SACS: variants seen among roughly 807,000 people sequenced by gnomAD.
SACS encodes sacsin.
A neutral mutation model predicts 348.0 loss-of-function variants in SACS; 197 were observed. The observed-to-expected ratio is 0.57, with a 90% confidence interval of 0.50 to 0.64. SACS has a LOEUF of 0.64. SACS is among the 30% of genes least tolerant of loss of function. SACS has a pLI of 0.00. For missense variants in SACS, 4,999 were observed against 5,360.8 expected (o/e 0.93, Z 2.11); for synonymous variants, 1,985 against 1,910.6 (o/e 1.04, Z -1.02).
At chr13:23,375,009 G>T (rs1309443942) in intron 3 of SACS, 110 bp downstream of exon 3, 11 of 1,119,644 alleles carry the variant, frequency 9.8e-6, no homozygotes, top group Non-Finnish European at 1.3e-5. Flanking sequence ...CCACGCTGCC[G>T]GAGTCATTCG....
Position 23,334,277 on chromosome 13 carries a change from A to G in SACS, c.9599T>C (p.Leu3200Ser). Reference protein sequence around the residue: ...NTLYLKYSNILLNCKVAKVFD... With the variant: ...NTLYLKYSNISLNCKVAKVFD... ...CACTTTTGCAACTTTACAGTTCAAT[A>G]AAATATTACTATATTTCAAATATAA... The change falls in exon 10 of 10, where the codon TTA becomes TCA. Residue 3200 changes from leucine to serine, a missense_variant. Transcript: ENST00000382292. 3 of 1,604,848 alleles carry G rather than the reference A, an allele frequency of 1.9e-6. No individual in the cohort carries two copies. Among genetic ancestry groups the G allele is most frequent in the Non-Finnish European group, 2.6e-6 (3 of 1,175,174 alleles).
chr13:23,418,060 CAAAAA>C (rs34026983), intron 1 of SACS, among the ~76,000 whole-genome samples: 1 of 119,114 alleles, frequency 8.4e-6, no homozygotes. Flanking sequence ...GATTCTGTCT[CAAAAA>C]AAAAAAAAAA....
At chr13:23,399,913 G>A (rs1449035501) in intron 2 of SACS, among the ~76,000 whole-genome samples, 1 of 152,014 alleles carries the variant, frequency 6.6e-6, no homozygotes, top group Non-Finnish European at 1.5e-5. Flanking sequence ...AACATTCCAA[G>A]CTTGTGATAA....
At chr13:23,429,253 T>A (rs1462186498) in intron 1 of SACS, among the ~76,000 whole-genome samples, 1 of 151,908 alleles carries the variant, frequency 6.6e-6, no homozygotes, top group Non-Finnish European at 1.5e-5. Flanking sequence ...AATATTCAAT[T>A]ATTTCTTTAA....
At position 23,339,218 on chromosome 13, in the gene SACS, A is replaced by G; in HGVS notation, c.4658T>C (p.Val1553Ala). 1.2e-6 allele frequency: 2 copies of G among 1,610,874 alleles called. No homozygotes were observed. Among genetic ancestry groups the G allele is most frequent in the Non-Finnish European group, 1.7e-6 (2 of 1,178,644 alleles). The change falls in exon 10 of 10, where the codon GTT becomes GCT. Residue 1553 changes from valine to alanine, a missense_variant. Coordinates refer to ENST00000382292, the MANE Select transcript of SACS (RefSeq NM_014363.6). ...ATTAAATCCAAGACCAAATTTTCCA[A>G]CTTTGTCAACTTCTCCCCTTTTTAA... ...ESLKRGEVDK[V>A]GKFGLGFNSV...
Position 23,335,675 on chromosome 13 carries a change from C to T in SACS, c.8201G>A (p.Gly2734Glu). 6.2e-7 allele frequency: 1 copy of T among 1,613,946 alleles called. No individual in the cohort carries two copies. The highest frequency in any genetic ancestry group is 8.5e-7 in the Non-Finnish European group (1 of 1,179,900). ...QNLLDKLRSD[G>E]AELLMFLNHM... ...ATTAAGAAACATTAGAAGTTCTGCC[C>T]CATCTGAGCGCAGTTTGTCCAAAAG... The change falls in exon 10 of 10, where the codon GGG (glycine) becomes GAG (glutamate). Residue 2734 changes from glycine (G) to glutamate (E), a missense_variant. Transcript: ENST00000382292. This position sits in a 1 kb window ranked among gnomAD's most constrained non-coding sequence, Gnocchi z 4.7.
intron 2 of SACS, among the ~76,000 whole-genome samples, chr13:23,407,393 G>T (rs372681064): frequency 2.4e-4 from 37 of 152,080 alleles, no homozygotes; most frequent in African/African-American, 8.9e-4. Flanking sequence ...TAGAGACGGG[G>T]TTTCACCGTG....
At chr13:23,377,015 A>G (rs1459688929) in intron 2 of SACS, among the ~76,000 whole-genome samples, 1 of 152,218 alleles carries the variant, frequency 6.6e-6, no homozygotes, top group Non-Finnish European at 1.5e-5. Context: ...CCTTGCAGAC[A>G]TTCTGCTAAG....
intron 2 of SACS, among the ~76,000 whole-genome samples, chr13:23,388,485 GTGTATA>G (rs774692532): frequency 1.1e-3 from 91 of 83,464 alleles, no homozygotes; most frequent in African/African-American, 3.4e-3. Context: ...TATGGTGTGT[GTGTATA>G]TATATATATA....
chr13:23,416,269 C>T (rs1873686381), intron 1 of SACS, among the ~76,000 whole-genome samples: 1 of 136,028 alleles, frequency 7.4e-6, no homozygotes, highest in Admixed American at 7.3e-5. Flanking sequence ...GGGACAGAGC[C>T]GACTCCATCT....
rs988686236 is a variant in SACS at position 23,333,657 on chromosome 13, G to T, written c.10219C>A (p.Leu3407Ile). The stretch of plus-strand genomic sequence containing the variant: ...GATTTATAGCACGGAAGTGACTTTA[G>T]AATTTTTATATCATCTTGGGACATC... ...HLMSQDDIKI[L>I]KSLPCYKSIS... The change falls in exon 10 of 10, where the codon CTA (leucine) becomes ATA (isoleucine). Residue 3407 changes from leucine (L) to isoleucine (I), a missense_variant. Leu to Ile is a conservative substitution (Grantham distance 5, BLOSUM62 2). Coordinates refer to ENST00000382292, the MANE Select transcript of SACS (RefSeq NM_014363.6). 6.2e-7 allele frequency: 1 copy of T among 1,613,778 alleles called. No individual in the cohort carries two copies. Among genetic ancestry groups the T allele is most frequent in the Non-Finnish European group, 8.5e-7 (1 of 1,179,786 alleles).
intron 1 of SACS, among the ~76,000 whole-genome samples, chr13:23,425,395 G>A (rs1190296233): frequency 6.6e-6 from 1 of 152,136 alleles, no homozygotes; most frequent in Non-Finnish European, 1.5e-5. Context: ...TGCCAAACTG[G>A]GACCTGATGT....
Position 23,358,408 on chromosome 13 carries a change from T to C in SACS, c.531A>G (p.Arg177=). The change falls in exon 7 of 10, where the codon AGA becomes AGG. Residue 177 remains arginine (R), a synonymous_variant. Transcript: ENST00000382292. ...TCAGAGGATCATCCTTTTTCCTGCT[T>C]CTTGCTATTTCTTGAATGCCGTGCC... The part of the protein sequence containing the change: ...EDWHGIQEIA[R]SRKKDDPLKV... The C allele has an allele frequency of 6.2e-7, 1 of 1,614,188 alleles. No individual in the cohort carries two copies. The highest frequency in any genetic ancestry group is 8.5e-7 in the Non-Finnish European group (1 of 1,180,004).
chr13:23,374,106 A>T (rs963871853), intron 3 of SACS: 3 of 152,258 alleles, frequency 2.0e-5, no homozygotes, highest in African/African-American at 7.2e-5. Context: ...ACTCTTTAAA[A>T]AAGTAAAAAT....
intron 2 of SACS, among the ~76,000 whole-genome samples, chr13:23,396,009 G>A (rs538664685): frequency 6.6e-6 from 1 of 152,202 alleles, no homozygotes; most frequent in East Asian, 1.9e-4. Flanking sequence ...ATTCACATTG[G>A]CTTAGAGATA....
chr13:23,418,278 A>G (rs1873767396), intron 1 of SACS, among the ~76,000 whole-genome samples: 1 of 152,166 alleles, frequency 6.6e-6, no homozygotes, highest in Admixed American at 6.5e-5. Context: ...TTTCATATGG[A>G]TAATACCTTC....
At chr13:23,354,485 G>A in intron 8 of SACS, 34 bp downstream of exon 8, 4 of 1,585,914 alleles carry the variant, frequency 2.5e-6, no homozygotes, top group Non-Finnish European at 2.6e-6. Context: ...GGAACCCTAA[G>A]AGTGAACAGG....
chr13:23,375,665 G>A (rs1450223778), intron 2 of SACS: 2 of 588,392 alleles, frequency 3.4e-6, no homozygotes, highest in Non-Finnish European at 3.8e-6. Context: ...GCCAGGCCCC[G>A]CCCCCAGGGA....
At chr13:23,381,005 C>T (rs551890906) in intron 2 of SACS, among the ~76,000 whole-genome samples, 118 of 152,252 alleles carry the variant, frequency 7.8e-4, no homozygotes, top group African/African-American at 2.7e-3. Context: ...GAACCCGTCA[C>T]ATCCACACTA....
Sources: gnomAD v4.1 joint callset for allele counts (sites outside exome capture counted in the v4.1 genomes callset) on GRCh38, gnomAD v4.1.1 for gene constraint, Gnocchi (gnomAD v3.1) non-coding constraint, MANE v1.5 for transcripts, NCBI Gene and HGNC (gene_info 2026-07-23, HGNC 2026-07-21) for gene names.